The following RTCB variants were observed in gnomAD, a reference collection of about 807,000 sequenced individuals.
The protein encoded by RTCB is RNA 2',3'-cyclic phosphate and 5'-OH ligase.
Under a neutral mutation model 58.2 loss-of-function variants are expected in RTCB, and 32 were observed. That is an observed-to-expected ratio of 0.55 (90% CI 0.41 to 0.74). The LOEUF (loss-of-function observed/expected upper bound fraction) is 0.74, where lower values mean the gene tolerates loss of function less well. Ranked by LOEUF, RTCB falls within the 30% of genes least tolerant of loss-of-function variation. The pLI is 0.00. For missense variants in RTCB, 523 were observed against 639.0 expected, an observed-to-expected ratio of 0.82 and a Z score of 1.96; for synonymous variants, 247 against 218.6, an observed-to-expected ratio of 1.13 and a Z score of -1.15.
chr22:32,398,183 A>T, intron 6 of RTCB, 83 bp from the exon 7 acceptor site: 2 of 1,446,798 alleles, frequency 1.4e-6, no homozygotes, highest in Non-Finnish European at 1.9e-6. Context: ...AGATAAAAAC[A>T]AACTAACAAC....
intron 1 of RTCB, among the ~76,000 whole-genome samples, chr22:32,409,540 C>A (rs994548908): frequency 2.1e-5 from 3 of 142,266 alleles, no homozygotes; most frequent in Non-Finnish European, 4.4e-5. Context: ...TGTGAAAGAG[C>A]TGTCCAGTAA....
Position 32,396,227 on chromosome 22 carries a change from C to T in RTCB, c.837G>A (p.Lys279=), listed in dbSNP as rs1933244079. The T allele has an allele frequency of 1.9e-6, 3 of 1,614,014 alleles. No homozygotes were observed. The highest frequency in any genetic ancestry group is 1.3e-5 in the African/African-American group (1 of 74,924). The change falls in exon 8 of 12, where the codon AAG becomes AAA. Residue 279 remains lysine, a synonymous_variant. Coordinates refer to ENST00000216038, the MANE Select transcript of RTCB (RefSeq NM_014306.5). ...CTATAATCTTGTCTCTCTTCATGGCCTTCTCCATAGCTACCAGCGCATCTG... is the reference window on the plus strand; with the variant it reads ...CTATAATCTTGTCTCTCTTCATGGCTTTCTCCATAGCTACCAGCGCATCTG... ...VATDALVAME[K]AMKRDKIIVN... is the part of the protein sequence containing the mutation.
chr22:32,388,487 T>C (rs998520141), intron 11 of RTCB, among the ~76,000 whole-genome samples: 2 of 152,238 alleles, frequency 1.3e-5, no homozygotes, highest in African/African-American at 2.4e-5. Flanking sequence ...TTTCTTCCTT[T>C]ATATATTTCT....
intron 5 of RTCB, chr22:32,399,983 T>C (rs961517767): frequency 7.8e-6 from 3 of 386,930 alleles, no homozygotes; most frequent in African/African-American, 6.1e-5. Flanking sequence ...TTAGACATCA[T>C]TATAGTTCTA....
rs117956318 is a variant in RTCB, at chr22:32,397,618, C to T, written c.814+323G>A. On this transcript the variant is annotated intron_variant, in intron 7 of 11. Transcript: ENST00000216038. The stretch of plus-strand genomic sequence containing the variant: ...TATTTCATAAATTCCACTCTTTACA[C>T]ATTTCTTGCTCTTTCTTGGCCAGAT... 6.5e-4 allele frequency among the ~76,000 whole-genome samples: 99 copies of T among 152,310 alleles called. No individual in the cohort carries two copies. The East Asian group carries it at 0.015, about 23-fold the overall frequency.
rs998014670 is a variant in RTCB at position 32,412,212 on chromosome 22, G to T, written c.-56C>A. On this transcript the variant is annotated 5_prime_UTR_variant, in exon 1 of 12. Coordinates refer to ENST00000216038, the MANE Select transcript of RTCB (RefSeq NM_014306.5). ...CTCCGCTTTGAAGAGCCGCTGCCGC[G>T]TAGTCCGGCTTCTCAGAGCACCGCC... is the stretch of plus-strand genomic sequence containing the variant. The T allele has an allele frequency of 4.9e-6, 7 of 1,438,808 alleles. No individual in the cohort carries two copies. In the South Asian group the frequency reaches 4.9e-5, roughly 10 times the overall value. The allele number at this position is 1,438,808 out of a possible 1,614,324, so 89.1% of individuals were successfully genotyped here. A position where few individuals can be genotyped will look rare whatever the true frequency, so the allele number is the denominator to read the frequency against.
chr22:32,411,230 T>C (rs1933517826), intron 1 of RTCB, among the ~76,000 whole-genome samples: 1 of 152,258 alleles, frequency 6.6e-6, no homozygotes, highest in Non-Finnish European at 1.5e-5. Context: ...GGTAAACCTT[T>C]GAAGCATTTA....
chr22:32,404,251 G>A (rs1207871620), intron 4 of RTCB, among the ~76,000 whole-genome samples: 2 of 152,118 alleles, frequency 1.3e-5, no homozygotes, highest in Non-Finnish European at 1.5e-5. Flanking sequence ...TTACCATAAT[G>A]GCTGTGCCAA....
chr22:32,405,036 G>C (rs1933397228), intron 4 of RTCB, among the ~76,000 whole-genome samples: 1 of 152,064 alleles, frequency 6.6e-6, no homozygotes. Context: ...GGGTTCTTTA[G>C]TATGGTCCAG....
Position 32,406,711 on chromosome 22 carries a change from C to T in RTCB, c.291G>A (p.Gly97=). ...DVHSGYGFAI[G]NMAAFDMNDP... is the part of the protein sequence containing the mutation. ...CATTCATATCAAAGGCTGCCATGTT[C>T]CCAATAGCAAACCCATATCCTGAAT... is the stretch of plus-strand genomic sequence containing the variant. The change falls in exon 4 of 12, where the codon GGG becomes GGA. Residue 97 remains glycine, a synonymous_variant. Coordinates refer to ENST00000216038, the MANE Select transcript of RTCB (RefSeq NM_014306.5). The T allele has an allele frequency of 6.2e-7, 1 of 1,612,928 alleles. No homozygotes were observed. Among genetic ancestry groups the T allele is most frequent in the Non-Finnish European group, 8.5e-7 (1 of 1,179,132 alleles).
At chr22:32,409,535 AAGAGCTGT>A (rs1237349473) in intron 1 of RTCB, among the ~76,000 whole-genome samples, 5,248 of 152,338 alleles carry the variant, frequency 0.034, 289 homozygotes, top group African/African-American at 0.12. Flanking sequence ...AATATTGTGA[AAGAGCTGT>A]CCAGTAATGG....
At chr22:32,397,243 C>T (rs528811243) in intron 7 of RTCB, among the ~76,000 whole-genome samples, 2 of 152,320 alleles carry the variant, frequency 1.3e-5, no homozygotes, top group Admixed American at 1.3e-4. Flanking sequence ...TTATTTCACA[C>T]ACCCTCCAAG....
intron 4 of RTCB, among the ~76,000 whole-genome samples, chr22:32,406,137 G>A (rs1405733824): frequency 6.6e-6 from 1 of 152,160 alleles, no homozygotes; most frequent in Non-Finnish European, 1.5e-5. Flanking sequence ...ATACCATGAT[G>A]TTTGGTAGGA....
At chr22:32,395,467 T>C (rs190052500) in intron 8 of RTCB, among the ~76,000 whole-genome samples, 24 of 152,332 alleles carry the variant, frequency 1.6e-4, no homozygotes, top group Admixed American at 3.9e-4. Flanking sequence ...CCTTTCAAAA[T>C]TGCTTCTTCT....
At chr22:32,409,211 A>AC (rs1245363112) in intron 1 of RTCB, among the ~76,000 whole-genome samples, 1 of 151,658 alleles carries the variant, frequency 6.6e-6, no homozygotes, top group South Asian at 2.1e-4. Context: ...TAAAAAAAAA[A>AC]ACCAAATGAA....
At chr22:32,390,544 G>A (rs1413526659) in intron 11 of RTCB, among the ~76,000 whole-genome samples, 4 of 151,750 alleles carry the variant, frequency 2.6e-5, no homozygotes, top group South Asian at 4.1e-4. Flanking sequence ...CGCCTCCCGC[G>A]TTCACGCCGT....
At chr22:32,395,866 AT>A (rs966330285) in intron 8 of RTCB, among the ~76,000 whole-genome samples, 1 of 152,044 alleles carries the variant, frequency 6.6e-6, no homozygotes, top group African/African-American at 2.4e-5. Flanking sequence ...AGCTAAGCTA[AT>A]TTTTTGTATT....
chr22:32,395,944 C>A (rs529452977), intron 8 of RTCB, 130 bp downstream of exon 8: 4 of 729,810 alleles, frequency 5.5e-6, no homozygotes, highest in African/African-American at 4.4e-5. Context: ...TGTGATCCGC[C>A]CCCCCTCGGC....
Position 32,406,900 on chromosome 22 carries a change from T to C in RTCB, c.241-139A>G, listed in dbSNP as rs1248619317. 9 of 575,460 alleles carry C rather than the reference T, an allele frequency of 1.6e-5. No individual in the cohort carries two copies. The East Asian group carries it at 2.1e-4, about 13-fold the overall frequency. The allele number at this position is 575,460 out of a possible 1,614,324, so 35.6% of individuals were successfully genotyped here. ...AAGACTGTGTTTTCACAAAATCTTC[T>C]ATATGCATGGAAATAGTAAGAACTC... On this transcript the variant is annotated intron_variant, in intron 3 of 11. Coordinates refer to ENST00000216038, the MANE Select transcript of RTCB (RefSeq NM_014306.5).
Sources: gnomAD v4.1 joint callset for allele counts (sites outside exome capture counted in the v4.1 genomes callset) on GRCh38, gnomAD v4.1.1 for gene constraint, MANE v1.5 for transcripts, NCBI Gene and HGNC (gene_info 2026-07-23, HGNC 2026-07-21) for gene names.